Variants in LINGO2 observed in about 807,000 individuals in gnomAD.
The protein encoded by LINGO2 is leucine rich repeat and Ig domain containing 2.
Under a neutral mutation model 30.6 loss-of-function variants are expected in LINGO2, and 14 were observed. The observed-to-expected ratio is 0.46, with a 90% CI of 0.30 to 0.72. LINGO2 has a LOEUF of 0.72. Ranked by LOEUF, LINGO2 falls within the 30% of genes least tolerant of loss-of-function variation. LINGO2 has a pLI of 0.07. For synonymous variants in LINGO2, 317 were observed against 288.5 expected (o/e 1.10, Z -1.00); for missense variants, 729 against 751.7 (o/e 0.97, Z 0.35).
chr9:29,037,392 G>T, the LINGO2 span, among the ~76,000 whole-genome samples: 12 of 151,810 alleles, frequency 7.9e-5, no homozygotes, highest in Admixed American at 7.9e-4. Flanking sequence ...CATGATAATT[G>T]AAGTTTTAGT....
chr9:28,012,386 T>C (rs1330437418), exon 5 of LINGO2: 1 of 151,288 alleles, frequency 6.6e-6, no homozygotes, highest in East Asian at 2.0e-4. Context: ...AAAAGGGTTA[T>C]AGGTTCCTCA....
the LINGO2 span, among the ~76,000 whole-genome samples, chr9:28,788,433 G>A: frequency 1.1e-3 from 162 of 152,290 alleles, 1 homozygote; most frequent in African/African-American, 3.6e-3. Flanking sequence ...GGTTATTTGT[G>A]TTTTCTGCAT....
At chr9:28,968,646 C>G in the LINGO2 span, among the ~76,000 whole-genome samples, 1 of 152,022 alleles carries the variant, frequency 6.6e-6, no homozygotes, top group Non-Finnish European at 1.5e-5. Context: ...CCTCTGTGTT[C>G]CAATATAAAT....
chr9:29,199,395 A>C, the LINGO2 span, among the ~76,000 whole-genome samples: 4 of 152,122 alleles, frequency 2.6e-5, no homozygotes, highest in Non-Finnish European at 4.4e-5. Context: ...AAACAAAAAA[A>C]AATCATTGAA....
At chr9:28,654,034 A>G (rs750673795) in intron 1 of LINGO2, among the ~76,000 whole-genome samples, 6 of 152,106 alleles carry the variant, frequency 3.9e-5, no homozygotes, top group Non-Finnish European at 7.4e-5. Context: ...TATAAATAAC[A>G]TGAGTGTTTT....
At chr9:29,085,820 T>C in the LINGO2 span, among the ~76,000 whole-genome samples, 1 of 152,102 alleles carries the variant, frequency 6.6e-6, no homozygotes, top group Non-Finnish European at 1.5e-5. Context: ...AACAAGGAAA[T>C]TGAAACTCAA....
intron 1 of LINGO2, among the ~76,000 whole-genome samples, chr9:28,632,003 T>C (rs1184372693): frequency 6.6e-6 from 1 of 152,114 alleles, no homozygotes; most frequent in African/African-American, 2.4e-5. Flanking sequence ...CAGATTTAGT[T>C]AGAGCCAAGG....
chr9:28,365,145 T>C (rs1487631665), intron 3 of LINGO2, among the ~76,000 whole-genome samples: 1 of 152,136 alleles, frequency 6.6e-6, no homozygotes, highest in East Asian at 1.9e-4. Context: ...GAGGGAGAGA[T>C]ATTCCAGTTA....
intron 3 of LINGO2, among the ~76,000 whole-genome samples, chr9:28,362,083 G>A (rs1820468214): frequency 6.6e-6 from 1 of 152,198 alleles, no homozygotes; most frequent in Non-Finnish European, 1.5e-5. Context: ...GCTCTACCTT[G>A]ATCTAGAGGA....
chr9:28,717,027 A>T, the LINGO2 span, among the ~76,000 whole-genome samples: 2 of 152,112 alleles, frequency 1.3e-5, no homozygotes, highest in Non-Finnish European at 2.9e-5. Flanking sequence ...TATAAGCTGT[A>T]AAAACAACCA....
chr9:28,307,145 A>T, intron 3 of LINGO2, among the ~76,000 whole-genome samples: 1 of 152,206 alleles, frequency 6.6e-6, no homozygotes, highest in Non-Finnish European at 1.5e-5. Flanking sequence ...ATTTTAGATC[A>T]ATATCCCTGA....
At chr9:29,023,646 G>A in the LINGO2 span, among the ~76,000 whole-genome samples, 1 of 151,634 alleles carries the variant, frequency 6.6e-6, no homozygotes, top group Non-Finnish European at 1.5e-5. Flanking sequence ...TACTTATTTT[G>A]GAAATCCAAT....
At chr9:28,552,398 C>A (rs557601594) in intron 1 of LINGO2, among the ~76,000 whole-genome samples, 4 of 152,174 alleles carry the variant, frequency 2.6e-5, no homozygotes, top group African/African-American at 9.6e-5. Context: ...CCATAGAACC[C>A]TAGATTATAA....
chr9:29,157,012 G>A, the LINGO2 span, among the ~76,000 whole-genome samples: 2 of 151,786 alleles, frequency 1.3e-5, no homozygotes, highest in Non-Finnish European at 1.5e-5. Context: ...CATTCCCATT[G>A]GTTGGCTATG....
At chr9:28,435,873 A>G (rs1250295581) in intron 2 of LINGO2, among the ~76,000 whole-genome samples, 2 of 152,218 alleles carry the variant, frequency 1.3e-5, no homozygotes, top group Non-Finnish European at 2.9e-5. Context: ...AAATTGTTGG[A>G]TAAATCAATA....
chr9:28,950,756 A>T, the LINGO2 span, among the ~76,000 whole-genome samples: 1 of 152,298 alleles, frequency 6.6e-6, no homozygotes, highest in Admixed American at 6.5e-5. Flanking sequence ...GGACACAAAC[A>T]AATAGAAAAA....
At chr9:28,022,211 T>G (rs1455866272) in intron 4 of LINGO2, among the ~76,000 whole-genome samples, 2 of 152,060 alleles carry the variant, frequency 1.3e-5, no homozygotes, top group East Asian at 3.8e-4. Context: ...GCTTGATATG[T>G]GGTGCAGGTA....
the LINGO2 span, among the ~76,000 whole-genome samples, chr9:28,713,706 A>G: frequency 1.3e-5 from 2 of 152,252 alleles, no homozygotes; most frequent in Admixed American, 1.3e-4. Flanking sequence ...ACAGCAGAGA[A>G]CATCTCTCTT....
chr9:28,088,870 A>C (rs1478277837), intron 4 of LINGO2, among the ~76,000 whole-genome samples: 1 of 152,170 alleles, frequency 6.6e-6, no homozygotes, highest in Non-Finnish European at 1.5e-5. Context: ...ATGGAGGAAG[A>C]TCTACCAAGC....
Sources: gnomAD v4.1 joint callset for allele counts (sites outside exome capture counted in the v4.1 genomes callset) on GRCh38, gnomAD v4.1.1 for gene constraint, MANE v1.5 for transcripts, NCBI Gene and HGNC (gene_info 2026-07-23, HGNC 2026-07-21) for gene names.